Variants in CCDC57 observed in about 807,000 individuals in gnomAD.
CCDC57 encodes the protein coiled-coil domain-containing protein 57.
A neutral mutation model predicts 118.9 loss-of-function variants in CCDC57; 118 were observed. That is an observed-to-expected ratio of 0.99 (90% CI 0.86 to 1.16). The LOEUF (loss-of-function observed/expected upper bound fraction) is 1.16. CCDC57 is among the 50% of genes most tolerant of loss of function. CCDC57 has a pLI of 0.00. For synonymous variants in CCDC57, 527 were observed against 532.9 expected, an observed-to-expected ratio of 0.99 and a Z score of 0.15; for missense variants, 1,300 against 1,320.7, an observed-to-expected ratio of 0.98 and a Z score of 0.24.
intron 2 of CCDC57, among the ~76,000 whole-genome samples, chr17:82,204,370 C>T (rs1255117438): frequency 1.3e-5 from 2 of 152,252 alleles, no homozygotes; most frequent in Non-Finnish European, 2.9e-5. Flanking sequence ...TCCTTGACCT[C>T]TTGCTGTCTC....
At chr17:82,188,271 C>T (rs770596981) in exon 8 of CCDC57, 2 of 1,574,472 alleles carry the variant, frequency 1.3e-6, no homozygotes, top group South Asian at 2.3e-5. Context: ...CTCCACTCTG[C>T]CCTGCGGAGC....
chr17:82,170,386 T>C (rs2044533123), intron 13 of CCDC57, among the ~76,000 whole-genome samples: 1 of 151,460 alleles, frequency 6.6e-6, no homozygotes, highest in East Asian at 1.9e-4. Context: ...CATGCACCTG[T>C]AATCCCAGCT....
intron 15 of CCDC57, chr17:82,157,484 G>C: frequency 1.4e-6 from 2 of 1,408,514 alleles, no homozygotes; most frequent in Non-Finnish European, 9.2e-7. Flanking sequence ...GCTGAAGGGA[G>C]GACTGGGATG....
chr17:82,201,660 G>A, exon 3 of CCDC57: 1 of 1,613,340 alleles, frequency 6.2e-7, no homozygotes, highest in Non-Finnish European at 8.5e-7. Flanking sequence ...CCTCTATCTT[G>A]AGCTCGCTCA....
chr17:82,173,333 G>C (rs2045022608), intron 11 of CCDC57, among the ~76,000 whole-genome samples: 1 of 152,168 alleles, frequency 6.6e-6, no homozygotes, highest in African/African-American at 2.4e-5. Context: ...CCACTAAATA[G>C]GATGAAGAGC....
chr17:82,110,682 T>C (rs2035180567), intron 19 of CCDC57, among the ~76,000 whole-genome samples: 1 of 152,352 alleles, frequency 6.6e-6, no homozygotes, highest in Non-Finnish European at 1.5e-5. Flanking sequence ...TGCTTCAAAA[T>C]TGTAAAACCT....
chr17:82,105,648 G>C (rs1392325879), intron 19 of CCDC57, among the ~76,000 whole-genome samples: 1 of 152,114 alleles, frequency 6.6e-6, no homozygotes, highest in Non-Finnish European at 1.5e-5. Flanking sequence ...GGGGGTCACC[G>C]TGGCCCCGGG....
chr17:82,135,595 C>A (rs532886345), intron 16 of CCDC57, among the ~76,000 whole-genome samples: 3 of 152,224 alleles, frequency 2.0e-5, no homozygotes, highest in South Asian at 4.1e-4. Flanking sequence ...TGGAAATGAA[C>A]GTGTTTCCCT....
intron 7 of CCDC57, among the ~76,000 whole-genome samples, chr17:82,189,718 T>C (rs991287274): frequency 1.3e-5 from 2 of 152,136 alleles, no homozygotes; most frequent in Admixed American, 6.6e-5. Context: ...CCGGGCATGG[T>C]AGCACATCCC....
At chr17:82,195,476 A>G in intron 4 of CCDC57, 112 bp from the exon 4 acceptor site, 1 of 797,344 alleles carries the variant, frequency 1.3e-6, no homozygotes, top group Non-Finnish European at 2.1e-6. Context: ...TTTAACAGAG[A>G]AGGACCACAC....
At chr17:82,112,459 T>A (rs1245336787) in intron 19 of CCDC57, 1 of 152,450 alleles carries the variant, frequency 6.6e-6, no homozygotes, top group East Asian at 1.9e-4. Flanking sequence ...GTCTGGAAGT[T>A]GTTCACCTTA....
At chr17:82,190,922 C>A (rs1301029511) in intron 7 of CCDC57, among the ~76,000 whole-genome samples, 2 of 151,384 alleles carry the variant, frequency 1.3e-5, no homozygotes, top group Non-Finnish European at 2.9e-5. Flanking sequence ...GAAAGAAGAA[C>A]ATCCTGAAAG....
intron 4 of CCDC57, among the ~76,000 whole-genome samples, chr17:82,197,527 A>AT (rs1198622727): frequency 1.3e-5 from 2 of 152,218 alleles, no homozygotes; most frequent in Non-Finnish European, 2.9e-5. Context: ...TGAATTCCAA[A>AT]TTCTTTTCCA....
chr17:82,208,507 G>A (rs1189421551), intron 1 of CCDC57, among the ~76,000 whole-genome samples: 4 of 151,408 alleles, frequency 2.6e-5, no homozygotes, highest in East Asian at 2.0e-4. Flanking sequence ...CACCCGCCTC[G>A]GCCTCCCGAA....
At chr17:82,129,923 G>A (rs542600585) in intron 17 of CCDC57, among the ~76,000 whole-genome samples, 2 of 151,862 alleles carry the variant, frequency 1.3e-5, no homozygotes, top group Non-Finnish European at 2.9e-5. Flanking sequence ...TAGGCTGGGC[G>A]CGGTAGCTCA....
chr17:82,111,301 C>G (rs1043573589), intron 19 of CCDC57, among the ~76,000 whole-genome samples: 8 of 132,822 alleles, frequency 6.0e-5, no homozygotes, highest in African/African-American at 2.3e-4. Flanking sequence ...CGGGGTTTCA[C>G]TGTGTTAGCC....
chr17:82,163,172 G>A, intron 14 of CCDC57, 28 bp downstream of exon 13: 1 of 1,609,856 alleles, frequency 6.2e-7, no homozygotes, highest in Non-Finnish European at 8.5e-7. Context: ...TCTCTAGGAG[G>A]ATGACCCCAC....
chr17:82,210,163 G>A (rs1256101541), intron 1 of CCDC57, among the ~76,000 whole-genome samples: 2 of 152,086 alleles, frequency 1.3e-5, no homozygotes, highest in Non-Finnish European at 2.9e-5. Flanking sequence ...ACGTGATAGC[G>A]ATGGGTTAGA....
In CCDC57 at chr17:82,163,199, C is replaced by T. The variant is rs1568322842; in HGVS notation, c.2040+1G>A. 9.9e-6 allele frequency: 16 copies of T among 1,613,440 alleles called. 1 individual carries two copies. Among genetic ancestry groups the T allele is most frequent in the African/African-American group, 1.3e-5 (1 of 74,948 alleles). ...TGACCCCACAAACTTGACTGCCTCA[C>T]CTTCTGTCTGAGTCGTGTCACCAGC... On this transcript the variant is annotated splice_donor_variant, in intron 14 of 19. Transcript: ENST00000665763. LOFTEE classifies it high-confidence loss of function.
Sources: gnomAD v4.1 joint callset for allele counts (sites outside exome capture counted in the v4.1 genomes callset) on GRCh38, gnomAD v4.1.1 for gene constraint, MANE v1.5 for transcripts, NCBI Gene and HGNC (gene_info 2026-07-23, HGNC 2026-07-21) for gene names.